Variants in BRD8 observed in about 807,000 individuals in gnomAD.
BRD8 encodes bromodomain-containing protein 8.
BRD8 carries 67 observed loss-of-function variants against 143.1 expected under a neutral mutation model. The observed-to-expected ratio is 0.47, with a 90% CI of 0.38 to 0.57. BRD8 has a LOEUF of 0.57. Ranked by LOEUF, BRD8 falls within the 20% of genes least tolerant of loss-of-function variation. The pLI, the probability that BRD8 is intolerant of heterozygous loss-of-function variation, is 0.00. For synonymous variants in BRD8, 505 were observed against 517.1 expected, an observed-to-expected ratio of 0.98 and a Z score of 0.32; for missense variants, 1,103 against 1,503.0, an observed-to-expected ratio of 0.73 and a Z score of 4.40.
Position 138,163,237 on chromosome 5 carries a change from A to G in BRD8, c.1980T>C (p.Asn660=), listed in dbSNP as rs1361502843. 2 of 1,614,070 alleles carry G rather than the reference A, an allele frequency of 1.2e-6. No homozygotes were observed. Among genetic ancestry groups the G allele is most frequent in the South Asian group, 2.2e-5 (2 of 91,080 alleles). Reference sequence around the variant, plus strand: ...CATCACTCTCGCTCACAGGAGGTTCATTATCCATTTCTGACAAGTAGCCTT... The same window carrying G: ...CATCACTCTCGCTCACAGGAGGTTCGTTATCCATTTCTGACAAGTAGCCTT... The part of the protein sequence containing the change: ...QGEGYLSEMD[N]EPPVSESDDG... Residue 660 remains asparagine (N), a synonymous_variant, in exon 15 of 27, where the codon AAT becomes AAC. Coordinates refer to ENST00000254900, the MANE Select transcript of BRD8 (RefSeq NM_139199.2).
At position 138,170,840 on chromosome 5, in the gene BRD8, G is replaced by A; in HGVS notation, c.432C>T (p.Asp144=). The A allele has an allele frequency of 3.7e-6, 6 of 1,613,754 alleles. No homozygotes were observed. Among genetic ancestry groups the A allele is most frequent in the Non-Finnish European group, 5.1e-6 (6 of 1,179,664 alleles). ...MDSRLDELCN[D]IATKKKLEEE... ...AATATAATATAACCCACGTTGCAAT[G>A]TCATTGCAAAGCTCATCCAGTCTGC... Residue 144 remains aspartate (D), a synonymous_variant, in exon 6 of 27, where the codon GAC becomes GAT. Transcript: ENST00000254900.
At chr5:138,175,164 G>A (rs140053957) in intron 2 of BRD8, among the ~76,000 whole-genome samples, 34 of 152,262 alleles carry the variant, frequency 2.2e-4, no homozygotes, top group East Asian at 1.2e-3. Context: ...GATTACAGGC[G>A]TGAGCCACTG....
chr5:138,165,835 T>C lies in BRD8; in HGVS notation c.1271A>G (p.Glu424Gly). ...ETVGDIIAIIEDKVDDHPEVL... is the reference protein window; with the variant it reads ...ETVGDIIAIIGDKVDDHPEVL... ...GCTTCGCTGAATAGTTACCTTGTCCTCAATGATGGCAATGATGTCTCCAAC... is the reference window on the plus strand; with the variant it reads ...GCTTCGCTGAATAGTTACCTTGTCCCCAATGATGGCAATGATGTCTCCAAC... Residue 424 changes from glutamate (E) to glycine (G), a missense_variant, in exon 11 of 27, where the codon GAG becomes GGG. Physicochemically the swap from Glu to Gly is moderately conservative, Grantham distance 98. Transcript: ENST00000254900. The C allele has an allele frequency of 6.2e-7, 1 of 1,611,594 alleles. No individual in the cohort carries two copies. Among genetic ancestry groups the C allele is most frequent in the Non-Finnish European group, 8.5e-7 (1 of 1,178,402 alleles).
At chr5:138,161,680 T>C in intron 17 of BRD8, 116 bp downstream of exon 17, 1 of 1,020,518 alleles carries the variant, frequency 9.8e-7, no homozygotes, top group South Asian at 1.6e-5. Context: ...TCAGTGCCCC[T>C]TATAGCAAAA....
Position 138,157,157 on chromosome 5 carries a change from T to C in BRD8, c.2577+2398A>G, listed in dbSNP as rs758374567. ...ACTGGGCCCGCAAGCCCAAGCTCTA[T>C]CTTGTTTACTTTTATTTTAGGTTCG... is the stretch of plus-strand genomic sequence containing the variant. On this transcript the variant is annotated intron_variant, in intron 20 of 26. Transcript: ENST00000254900. 102 of 1,607,514 alleles carry C rather than the reference T, an allele frequency of 6.3e-5. No homozygotes were observed. The Middle Eastern group carries it at 6.6e-4, about 10-fold the overall frequency.
At chr5:138,171,813 T>C (rs924939858) in intron 3 of BRD8, among the ~76,000 whole-genome samples, 3 of 152,220 alleles carry the variant, frequency 2.0e-5, no homozygotes, top group Admixed American at 6.5e-5. Context: ...CCAAAGTTTT[T>C]AGATGGAGTA....
rs74769128 is a variant in BRD8 at position 138,171,417 on chromosome 5, A to C, written c.187-7T>G. 1 of 184,724 alleles carries C rather than the reference A, an allele frequency of 5.4e-6. No individual in the cohort carries two copies. Among genetic ancestry groups the C allele is most frequent in the Admixed American group, 2.6e-4 (1 of 3,878 alleles). The allele number at this position is 184,724 out of a possible 1,614,324, so 11.4% of individuals were successfully genotyped here. ...AGTACTGGGAAGCACAATGCTATTAAAAAAAAAAAAAAAAGTGAAAATGTG... is the reference window on the plus strand; with the variant it reads ...AGTACTGGGAAGCACAATGCTATTACAAAAAAAAAAAAAAGTGAAAATGTG... On this transcript the variant is annotated splice_region_variant and splice_polypyrimidine_tract_variant and intron_variant, in intron 3 of 26. Coordinates refer to ENST00000254900, the MANE Select transcript of BRD8 (RefSeq NM_139199.2).
intron 23 of BRD8, among the ~76,000 whole-genome samples, 165 bp downstream of exon 23, chr5:138,149,475 T>C (rs1222251450): frequency 3.5e-4 from 54 of 152,182 alleles, no homozygotes; most frequent in Non-Finnish European, 7.3e-5. Flanking sequence ...GGAGAGCATA[T>C]AGACTTCTAT....
At chr5:138,161,164 C>A in intron 17 of BRD8, 96 bp from the exon 18 acceptor site, 1 of 958,162 alleles carries the variant, frequency 1.0e-6, no homozygotes, top group Non-Finnish European at 1.5e-6. Flanking sequence ...CTCATATATA[C>A]CTTAACTCCC....
At chr5:138,155,019 T>C (rs916792125) in intron 20 of BRD8, among the ~76,000 whole-genome samples, 3 of 151,896 alleles carry the variant, frequency 2.0e-5, no homozygotes, top group African/African-American at 7.2e-5. Context: ...TTAGTAGAGA[T>C]GAGGTTTCAC....
At chr5:138,140,916 A>C (rs1252997919) in intron 25 of BRD8, 34 bp from the exon 26 acceptor site, 1 of 1,608,788 alleles carries the variant, frequency 6.2e-7, no homozygotes, top group Non-Finnish European at 8.5e-7. Flanking sequence ...AAGAAAATCA[A>C]ACCTTCATGT....
At chr5:138,162,931 G>T (rs1252586737) in intron 15 of BRD8, among the ~76,000 whole-genome samples, 199 bp downstream of exon 15, 1 of 151,994 alleles carries the variant, frequency 6.6e-6, no homozygotes, top group Non-Finnish European at 1.5e-5. Context: ...GGCCTGAGAA[G>T]TGGAGGTTGC....
At chr5:138,174,368 G>C (rs1237259898) in intron 2 of BRD8, among the ~76,000 whole-genome samples, 1 of 152,154 alleles carries the variant, frequency 6.6e-6, no homozygotes, top group Admixed American at 6.6e-5. Context: ...GCCGAGGCAG[G>C]TGGATCATCT....
At position 138,164,401 on chromosome 5, in the gene BRD8, T is replaced by C. The variant is rs953539088; in HGVS notation, c.1744A>G (p.Ser582Gly). The change falls in exon 13 of 27, where the codon AGC becomes GGC. Residue 582 changes from serine (S) to glycine (G), a missense_variant. Transcript: ENST00000254900. ...GAGCCATGTGATGGAGACAACATGC[T>C]TTCAGGGGATGCCTGAAAACCAGAA... ...TNVKTEASPE[S>G]MLSPSHGSNP... is the part of the protein sequence containing the mutation. 1.2e-6 allele frequency: 2 copies of C among 1,614,138 alleles called. No individual in the cohort carries two copies. The highest frequency in any genetic ancestry group is 1.7e-6 in the Non-Finnish European group (2 of 1,179,990).
At chr5:138,165,740 AAAAAGC>A in intron 11 of BRD8, 82 bp downstream of exon 11, 6 of 1,399,722 alleles carry the variant, frequency 4.3e-6, no homozygotes, top group Admixed American at 5.2e-5. Flanking sequence ...AAAAAAAAAA[AAAAAGC>A]AGCAGCAGCA....
chr5:138,151,580 A>ATACT (rs1308967479), intron 21 of BRD8, among the ~76,000 whole-genome samples: 25 of 152,374 alleles, frequency 1.6e-4, no homozygotes, highest in African/African-American at 5.5e-4. Context: ...AATTACAAGG[A>ATACT]TACTCATAAA....
At position 138,155,212 on chromosome 5, in the gene BRD8, C is replaced by T. The variant is rs574027101; in HGVS notation, c.2578-2452G>A. Among the ~76,000 whole-genome samples, 198 of 151,694 alleles carry T rather than the reference C, an allele frequency of 1.3e-3. 1 individual carries two copies. The highest frequency in any genetic ancestry group is 4.4e-3 in the African/African-American group (182 of 41,452). ...CTGTAATCCTAGCACTTTGGGAGGC[C>T]GAAGCGGGTGGATCACCTGAGGTCA... On this transcript the variant is annotated intron_variant, in intron 20 of 26. Coordinates refer to ENST00000254900, the MANE Select transcript of BRD8 (RefSeq NM_139199.2).
chr5:138,169,993 C>T (rs1753740511), intron 7 of BRD8, among the ~76,000 whole-genome samples: 1 of 152,198 alleles, frequency 6.6e-6, no homozygotes, highest in African/African-American at 2.4e-5. Context: ...AGGGAAAGAC[C>T]TCACTGGCGC....
chr5:138,140,688 G>A lies in BRD8; in HGVS notation c.3615+17C>T. 6.2e-7 allele frequency: 1 copy of A among 1,610,746 alleles called. No homozygotes were observed. Among genetic ancestry groups the A allele is most frequent in the Non-Finnish European group, 8.5e-7 (1 of 1,176,934 alleles). ...GAAATCAAGATTCCAGAGGCTACAG[G>A]TATCTGCATACAGTACCTGAATCTG... On this transcript the variant is annotated intron_variant, in intron 26 of 26. Coordinates refer to ENST00000254900, the MANE Select transcript of BRD8 (RefSeq NM_139199.2).
Sources: allele counts gnomAD v4.1 joint callset (sites outside exome capture counted in the v4.1 genomes callset), GRCh38; gene constraint gnomAD v4.1.1; transcripts MANE v1.5; gene names NCBI Gene and HGNC (gene_info 2026-07-23, HGNC 2026-07-21).